Variants in ALPL observed in about 807,000 individuals in gnomAD.
ALPL encodes alkaline phosphatase, biomineralization associated.
Under a neutral mutation model 51.3 loss-of-function variants are expected in ALPL, and 42 were observed. The observed-to-expected ratio is 0.82, with a 90% CI of 0.64 to 1.06. ALPL has a LOEUF of 1.06. ALPL is among the 50% of genes least tolerant of loss of function. ALPL has a pLI of 0.00. For synonymous variants in ALPL, 279 were observed against 296.4 expected (o/e 0.94, Z 0.60); for missense variants, 589 against 709.4 (o/e 0.83, Z 1.93).
chr1:21,534,251 C>T (rs1029682627), intron 1 of ALPL, among the ~76,000 whole-genome samples: 3 of 152,350 alleles, frequency 2.0e-5, no homozygotes, highest in African/African-American at 7.2e-5. Flanking sequence ...GCTGGGATTA[C>T]ACGTGTCAGC....
intron 1 of ALPL, among the ~76,000 whole-genome samples, chr1:21,536,500 T>C (rs1644107447): frequency 6.6e-6 from 1 of 152,180 alleles, no homozygotes; most frequent in African/African-American, 2.4e-5. Flanking sequence ...GCTTCAGGCA[T>C]GGCTGCATCT....
chr1:21,570,351 C>G lies in ALPL; in HGVS notation c.839C>G (p.Pro280Arg). 1 of 1,614,142 alleles carries G rather than the reference C, an allele frequency of 6.2e-7. No homozygotes were observed. Among genetic ancestry groups the G allele is most frequent in the Non-Finnish European group, 8.5e-7 (1 of 1,180,028 alleles). Residue 280 changes from proline to arginine, a missense_variant, in exon 8 of 12, where the codon CCC (proline) becomes CGC (arginine). Physicochemically the swap from Pro to Arg is moderately radical, Grantham distance 103. Coordinates refer to ENST00000374840, the MANE Select transcript of ALPL (RefSeq NM_000478.6). Reference protein sequence around the residue: ...WNRTELLTLDPHNVDYLLGLF... With the variant: ...WNRTELLTLDRHNVDYLLGLF... Reference sequence around the variant, plus strand: ...CGCACGGAACTCCTGACCCTTGACCCCCACAATGTGGACTACCTATTGGGT... The same window carrying G: ...CGCACGGAACTCCTGACCCTTGACCGCCACAATGTGGACTACCTATTGGGT...
intron 1 of ALPL, among the ~76,000 whole-genome samples, chr1:21,529,783 G>A (rs1467790050): frequency 1.3e-5 from 2 of 151,238 alleles, no homozygotes; most frequent in South Asian, 2.1e-4. Context: ...ATTTTGTTTC[G>A]TTTTTTTGAG....
chr1:21,562,010 C>T lies in ALPL; in HGVS notation c.297+798C>T, dbSNP rs188972561. The stretch of plus-strand genomic sequence containing the variant: ...AAGTTCCAGTTCATTCATTCTTTCC[C>T]GAGGCAGTTCGTGAAGTTAATTAGA... On this transcript the variant is annotated intron_variant, in intron 4 of 11. Coordinates refer to ENST00000374840, the MANE Select transcript of ALPL (RefSeq NM_000478.6). Among the ~76,000 whole-genome samples the T allele has an allele frequency of 2.6e-4, 40 of 152,192 alleles. 1 individual carries two copies. Among genetic ancestry groups the T allele is most frequent in the Non-Finnish European group, 5.9e-5 (4 of 68,022 alleles).
intron 9 of ALPL, chr1:21,574,248 G>C (rs754409126): frequency 3.1e-6 from 3 of 977,140 alleles, no homozygotes; most frequent in African/African-American, 1.8e-5. Context: ...ATCTGCTGGC[G>C]GTGTGACCTC....
intron 1 of ALPL, among the ~76,000 whole-genome samples, chr1:21,545,240 G>T (rs1644238184): frequency 6.6e-6 from 1 of 152,062 alleles, no homozygotes. Context: ...ACAGACTATA[G>T]CCTACACTTG....
At chr1:21,529,419 T>C (rs917112126) in intron 1 of ALPL, among the ~76,000 whole-genome samples, 4 of 152,124 alleles carry the variant, frequency 2.6e-5, no homozygotes. Context: ...ACTTGGCTAA[T>C]TAAAAAATAA....
chr1:21,572,700 G>C (rs141353938), intron 8 of ALPL, among the ~76,000 whole-genome samples: 1 of 152,230 alleles, frequency 6.6e-6, no homozygotes, highest in African/African-American at 2.4e-5. Context: ...GGGTGTTCTG[G>C]AAGGACACCA....
intron 5 of ALPL, among the ~76,000 whole-genome samples, chr1:21,563,526 A>C (rs1432546771): frequency 1.3e-5 from 2 of 152,036 alleles, no homozygotes; most frequent in Non-Finnish European, 2.9e-5. Context: ...TCTTCATTTG[A>C]CTATAAAACG....
chr1:21,553,435 G>A (rs2148134004), intron 1 of ALPL, among the ~76,000 whole-genome samples: 1 of 152,282 alleles, frequency 6.6e-6, no homozygotes, highest in East Asian at 1.9e-4. Context: ...CTGAAAGAAG[G>A]GGTGCACTCT....
At position 21,575,893 on chromosome 1, in the gene ALPL, T is replaced by G. The variant is rs1644722771; in HGVS notation, c.1158T>G (p.Gly386=). The G allele has an allele frequency of 6.2e-7, 1 of 1,614,126 alleles. No homozygotes were observed. Among genetic ancestry groups the G allele is most frequent in the East Asian group, 2.2e-5 (1 of 44,876 alleles). The change falls in exon 10 of 12, where the codon GGT becomes GGG. Residue 386 remains glycine (G), a synonymous_variant. Coordinates refer to ENST00000374840, the MANE Select transcript of ALPL (RefSeq NM_000478.6). ...TADHSHVFTF[G]GYTPRGNSIF... ...ACCATTCCCACGTCTTCACATTTGG[T>G]GGATACACCCCCCGTGGCAACTCTA...
At chr1:21,509,152 G>A (rs910732896), upstream of ALPL, among the ~76,000 whole-genome samples, 3 of 152,126 alleles carry the variant, frequency 2.0e-5, no homozygotes, top group African/African-American at 7.2e-5. The surrounding 1 kb of genome is among the most constrained non-coding windows in gnomAD (Gnocchi z 6.0). Flanking sequence ...GGCTGGGCTG[G>A]GGCAGCCCGG....
chr1:21,545,310 A>G (rs2148118906), intron 1 of ALPL, among the ~76,000 whole-genome samples: 1 of 150,074 alleles, frequency 6.7e-6, no homozygotes, highest in East Asian at 1.9e-4. Flanking sequence ...TTTTTTTTTA[A>G]GACAGAGTCT....
In ALPL at chr1:21,510,258, C is replaced by CA. The variant is rs113857573; in HGVS notation, c.-105+742dup. Among the ~76,000 whole-genome samples, 488 of 152,330 alleles carry CA rather than the reference C, an allele frequency of 3.2e-3. 7 individuals carry two copies. Among genetic ancestry groups the CA allele is most frequent in the African/African-American group, 0.012 (481 of 41,584 alleles). On this transcript the variant is annotated intron_variant, in intron 1 of 11. Coordinates refer to ENST00000374840, the MANE Select transcript of ALPL (RefSeq NM_000478.6). ...TTAAACGCAGGTCTCAGCAGAAAGG[C>CA]AGGAGGCCGAGGAAAGCCTCCCCCA... is the stretch of plus-strand genomic sequence containing the variant.
intron 1 of ALPL, among the ~76,000 whole-genome samples, chr1:21,544,678 G>A (rs1048176796): frequency 6.6e-6 from 1 of 152,156 alleles, no homozygotes; most frequent in South Asian, 2.1e-4. Context: ...CCTGGAAGGC[G>A]GAGGTTGCAG....
intron 1 of ALPL, among the ~76,000 whole-genome samples, chr1:21,539,747 C>T (rs1014303287): frequency 1.3e-5 from 2 of 151,910 alleles, no homozygotes; most frequent in Admixed American, 1.3e-4. Context: ...CTCCACCTCC[C>T]GAGTTCACAC....
chr1:21,532,495 A>G (rs1250846075), intron 1 of ALPL, among the ~76,000 whole-genome samples: 1 of 152,150 alleles, frequency 6.6e-6, no homozygotes, highest in African/African-American at 2.4e-5. Flanking sequence ...CCAGCCCAAG[A>G]CCAATATTTT....
chr1:21,529,856 C>T (rs868828494), intron 1 of ALPL, among the ~76,000 whole-genome samples: 10 of 152,034 alleles, frequency 6.6e-5, no homozygotes, highest in East Asian at 1.9e-4. Context: ...ACTGCAGCCT[C>T]GACCTCCCGA....
intron 7 of ALPL, among the ~76,000 whole-genome samples, chr1:21,570,028 C>T (rs1278121195): frequency 1.3e-5 from 2 of 152,152 alleles, no homozygotes; most frequent in East Asian, 1.9e-4. Flanking sequence ...TCCAGGGACC[C>T]ATTAGAACAT....
Sources: gnomAD v4.1 joint callset for allele counts (sites outside exome capture counted in the v4.1 genomes callset) on GRCh38, gnomAD v4.1.1 for gene constraint, Gnocchi (gnomAD v3.1) non-coding constraint, MANE v1.5 for transcripts, NCBI Gene and HGNC (gene_info 2026-07-23, HGNC 2026-07-21) for gene names.